The following SLC5A3 variants were observed in gnomAD, a reference collection of about 807,000 sequenced individuals.
The protein encoded by SLC5A3 is solute carrier family 5 member 3.
A neutral mutation model predicts 43.2 loss-of-function variants in SLC5A3; 10 were observed. The observed-to-expected ratio is 0.23, with a 90% CI of 0.14 to 0.39. The LOEUF (loss-of-function observed/expected upper bound fraction) is 0.39. Among genes scored for constraint, SLC5A3 ranks in the 10% least tolerant of loss-of-function variants. The pLI is 1.00. For missense variants in SLC5A3, 608 were observed against 893.4 expected (o/e 0.68, Z 4.07); for synonymous variants, 349 against 322.0 (o/e 1.08, Z -0.90).
In SLC5A3 at chr21:34,102,065, C is replaced by A; in HGVS notation, c.*4710C>A. ...GCTGGATTGTGAAAAGGTAATCTTT[C>A]GATTGCTAGACTTGGTTAACTTAGG... On this transcript the variant is annotated 3_prime_UTR_variant, in exon 2 of 2. Transcript: ENST00000381151. The A allele has an allele frequency of 2.0e-6, 2 of 999,858 alleles. No individual in the cohort carries two copies. The highest frequency in any genetic ancestry group is 2.4e-6 in the Non-Finnish European group (2 of 829,668). The allele number at this position is 999,858 out of a possible 1,614,324, so 61.9% of individuals were successfully genotyped here. A position where few individuals can be genotyped will look rare whatever the true frequency, so the allele number is the denominator to read the frequency against.
chr21:34,099,779 T>A lies in SLC5A3; in HGVS notation c.*2424T>A. 1 of 837,274 alleles carries A rather than the reference T, an allele frequency of 1.2e-6. No homozygotes were observed. The highest frequency in any genetic ancestry group is 1.5e-6 in the Non-Finnish European group (1 of 682,194). The allele number at this position is 837,274 out of a possible 1,614,324, so 51.9% of individuals were successfully genotyped here. Reference sequence around the variant, plus strand: ...CTAAAGTCTGTAAATAAGGAATGACTATTAGCATATTCATTAGAATTGTTT... The same window carrying A: ...CTAAAGTCTGTAAATAAGGAATGACAATTAGCATATTCATTAGAATTGTTT... On this transcript the variant is annotated 3_prime_UTR_variant, in exon 2 of 2. Coordinates refer to ENST00000381151, the MANE Select transcript of SLC5A3 (RefSeq NM_006933.7).
rs115024809 is a variant in SLC5A3, at chr21:34,088,529, C to T, written c.-336-6334C>T. Among the ~76,000 whole-genome samples, 122 of 152,328 alleles carry T rather than the reference C, an allele frequency of 8.0e-4. 3 individuals carry two copies. The highest frequency in any genetic ancestry group is 2.6e-3 in the African/African-American group (110 of 41,562). ...TACTTTGTTAACAGTTGTTACATAT[C>T]CATCTTGTGTATTTTCAAGCACAAC... is the stretch of plus-strand genomic sequence containing the variant. On this transcript the variant is annotated intron_variant, in intron 1 of 1. Coordinates refer to ENST00000381151, the MANE Select transcript of SLC5A3 (RefSeq NM_006933.7).
At chr21:34,083,431 G>A (rs1989503142) in intron 1 of SLC5A3, among the ~76,000 whole-genome samples, 1 of 152,224 alleles carries the variant, frequency 6.6e-6, no homozygotes, top group Non-Finnish European at 1.5e-5. Context: ...CAGATTTAAG[G>A]TGAATTTCTG....
intron 1 of SLC5A3, among the ~76,000 whole-genome samples, chr21:34,077,299 G>A (rs1448992550): frequency 6.6e-6 from 1 of 152,196 alleles, no homozygotes; most frequent in Non-Finnish European, 1.5e-5. Flanking sequence ...CACTTTTTAT[G>A]CCTTGGGTAT....
In SLC5A3 at chr21:34,105,539, C is replaced by G; in HGVS notation, c.*8184C>G. On this transcript the variant is annotated 3_prime_UTR_variant, in exon 2 of 2. Coordinates refer to ENST00000381151, the MANE Select transcript of SLC5A3 (RefSeq NM_006933.7). ...TGTCTACATTGAAACATGTTCTTCCCAGTGTCCTGCTTATGATGCTTTGTT... is the reference window on the plus strand; with the variant it reads ...TGTCTACATTGAAACATGTTCTTCCGAGTGTCCTGCTTATGATGCTTTGTT... 1 of 999,496 alleles carries G rather than the reference C, an allele frequency of 1.0e-6. No homozygotes were observed. The highest frequency in any genetic ancestry group is 1.2e-6 in the Non-Finnish European group (1 of 829,420). 61.9% of individuals were successfully genotyped at this position (999,496 alleles called of 1,614,324 possible).
intron 1 of SLC5A3, among the ~76,000 whole-genome samples, chr21:34,076,166 G>C (rs1989325879): frequency 1.3e-5 from 2 of 152,180 alleles, no homozygotes; most frequent in African/African-American, 4.8e-5. Flanking sequence ...AGAAACTATA[G>C]TTTTCCAGCC....
Position 34,099,799 on chromosome 21 carries a change from T to C in SLC5A3, c.*2444T>C, listed in dbSNP as rs1187527400. On this transcript the variant is annotated 3_prime_UTR_variant, in exon 2 of 2. Coordinates refer to ENST00000381151, the MANE Select transcript of SLC5A3 (RefSeq NM_006933.7). Reference sequence around the variant, plus strand: ...ATGACTATTAGCATATTCATTAGAATTGTTTATTCTTGCCAGTATAAACAT... The same window carrying C: ...ATGACTATTAGCATATTCATTAGAACTGTTTATTCTTGCCAGTATAAACAT... The C allele has an allele frequency of 1.3e-6, 1 of 754,066 alleles. No individual in the cohort carries two copies. Among genetic ancestry groups the C allele is most frequent in the East Asian group, 1.3e-4 (1 of 7,632 alleles). 46.7% of individuals were successfully genotyped at this position (754,066 alleles called of 1,614,324 possible). A position where few individuals can be genotyped will look rare whatever the true frequency, so the allele number is the denominator to read the frequency against.
At chr21:34,084,850 T>TAA (rs1989536104) in intron 1 of SLC5A3, among the ~76,000 whole-genome samples, 1 of 152,200 alleles carries the variant, frequency 6.6e-6, no homozygotes, top group African/African-American at 2.4e-5. Flanking sequence ...ATTTCAGACT[T>TAA]AAAGAGCAGT....
rs1979281802 is a variant in SLC5A3 at position 34,102,413 on chromosome 21, G to A, written c.*5058G>A. The A allele has an allele frequency of 1.0e-6, 1 of 999,712 alleles. No homozygotes were observed. Among genetic ancestry groups the A allele is most frequent in the Non-Finnish European group, 1.2e-6 (1 of 829,610 alleles). The allele number at this position is 999,712 out of a possible 1,614,324, so 61.9% of individuals were successfully genotyped here. A position where few individuals can be genotyped will look rare whatever the true frequency, so the allele number is the denominator to read the frequency against. On this transcript the variant is annotated 3_prime_UTR_variant, in exon 2 of 2. Coordinates refer to ENST00000381151, the MANE Select transcript of SLC5A3 (RefSeq NM_006933.7). Reference sequence around the variant, plus strand: ...CCATCTAAACTTCTTTATAAAAAGAGGGATTAGTTTTTTTGTTTTGGGGTA... The same window carrying A: ...CCATCTAAACTTCTTTATAAAAAGAAGGATTAGTTTTTTTGTTTTGGGGTA...
chr21:34,101,491 A>G lies in SLC5A3; in HGVS notation c.*4136A>G, dbSNP rs1202551556. On this transcript the variant is annotated 3_prime_UTR_variant, in exon 2 of 2. Coordinates refer to ENST00000381151, the MANE Select transcript of SLC5A3 (RefSeq NM_006933.7). ...TCAGTGTTGATAATAGCCTGAGCAGACTTCTTTACAAATGGGATCTGTTTC... is the reference window on the plus strand; with the variant it reads ...TCAGTGTTGATAATAGCCTGAGCAGGCTTCTTTACAAATGGGATCTGTTTC... The G allele has an allele frequency of 1.0e-6, 1 of 1,000,012 alleles. No homozygotes were observed. Among genetic ancestry groups the G allele is most frequent in the Admixed American group, 6.2e-5 (1 of 16,232 alleles). The allele number at this position is 1,000,012 out of a possible 1,614,324, so 61.9% of individuals were successfully genotyped here. A position where few individuals can be genotyped will look rare whatever the true frequency, so the allele number is the denominator to read the frequency against.
At chr21:34,086,757 T>C (rs944618085) in intron 1 of SLC5A3, among the ~76,000 whole-genome samples, 4 of 152,134 alleles carry the variant, frequency 2.6e-5, no homozygotes, top group Non-Finnish European at 4.4e-5. Flanking sequence ...ACATGGTGTT[T>C]GGTAAATGCT....
At chr21:34,075,165 AC>A (rs972062107) in intron 1 of SLC5A3, among the ~76,000 whole-genome samples, 3 of 152,178 alleles carry the variant, frequency 2.0e-5, no homozygotes, top group South Asian at 2.1e-4. Flanking sequence ...CCTTCAACTT[AC>A]GTGTTTTAGG....
rs1337945782 is a variant in SLC5A3 at position 34,101,008 on chromosome 21, A to G, written c.*3653A>G. On this transcript the variant is annotated 3_prime_UTR_variant, in exon 2 of 2. Coordinates refer to ENST00000381151, the MANE Select transcript of SLC5A3 (RefSeq NM_006933.7). ...GGCATGATGACTGGAAAGGGATCAC[A>G]TGGGTCGTTGGTGGTGACACCTCAC... 1 of 1,000,020 alleles carries G rather than the reference A, an allele frequency of 1.0e-6. No homozygotes were observed. Among genetic ancestry groups the G allele is most frequent in the South Asian group, 4.7e-5 (1 of 21,288 alleles). The allele number at this position is 1,000,020 out of a possible 1,614,324, so 61.9% of individuals were successfully genotyped here. A position where few individuals can be genotyped will look rare whatever the true frequency, so the allele number is the denominator to read the frequency against.
rs985432782 is a variant in SLC5A3 at position 34,102,895 on chromosome 21, C to T, written c.*5540C>T. On this transcript the variant is annotated 3_prime_UTR_variant, in exon 2 of 2. Transcript: ENST00000381151. ...TACATATTACAGTGAATTCGACAAC[C>T]GCACAAGTTGGCAGTAGGTATCCCC... The T allele has an allele frequency of 3.6e-5, 36 of 999,646 alleles. No individual in the cohort carries two copies. The highest frequency in any genetic ancestry group is 7.0e-5 in the African/African-American group (4 of 57,320). The allele number at this position is 999,646 out of a possible 1,614,324, so 61.9% of individuals were successfully genotyped here.
intron 1 of SLC5A3, among the ~76,000 whole-genome samples, chr21:34,075,126 T>C (rs1989295703): frequency 6.6e-6 from 1 of 152,230 alleles, no homozygotes. Flanking sequence ...GGGAAGATTT[T>C]TAATTAGGTG....
chr21:34,085,311 G>GT (rs368565753), intron 1 of SLC5A3, among the ~76,000 whole-genome samples: 2 of 152,280 alleles, frequency 1.3e-5, no homozygotes, highest in African/African-American at 4.8e-5. Context: ...ACAGGAATGA[G>GT]TATTTCATAG....
chr21:34,081,844 T>C (rs1467802747), intron 1 of SLC5A3, among the ~76,000 whole-genome samples: 1 of 152,162 alleles, frequency 6.6e-6, no homozygotes, highest in Non-Finnish European at 1.5e-5. Context: ...AAGATAAAAC[T>C]TATTATATCT....
intron 1 of SLC5A3, among the ~76,000 whole-genome samples, chr21:34,078,140 G>T (rs1031860750): frequency 6.6e-6 from 1 of 152,050 alleles, no homozygotes; most frequent in Middle Eastern, 3.2e-3. Context: ...GCTGTCAAGT[G>T]GTCTTTTTTT....
chr21:34,080,490 C>A (rs992324528), intron 1 of SLC5A3, among the ~76,000 whole-genome samples: 1 of 152,154 alleles, frequency 6.6e-6, no homozygotes, highest in East Asian at 1.9e-4. Context: ...CCCTCCCTTT[C>A]CACAATACCC....
Sources: allele counts gnomAD v4.1 joint callset (sites outside exome capture counted in the v4.1 genomes callset), GRCh38; gene constraint gnomAD v4.1.1; transcripts MANE v1.5; gene names NCBI Gene and HGNC (gene_info 2026-07-23, HGNC 2026-07-21).